Variants in CACNA2D3 observed in about 807,000 individuals in gnomAD.
CACNA2D3 encodes calcium voltage-gated channel auxiliary subunit alpha2delta 3, also known as voltage-dependent calcium channel subunit alpha-2/delta-3.
In CACNA2D3, 60 loss-of-function variants were observed where a neutral mutation model predicts 160.6. That is an observed-to-expected ratio of 0.37 (90% CI 0.30 to 0.46). CACNA2D3 has a LOEUF of 0.46. CACNA2D3 is among the 20% of genes least tolerant of loss of function. CACNA2D3 has a pLI of 1.00. For synonymous variants in CACNA2D3, 558 were observed against 492.9 expected, an observed-to-expected ratio of 1.13 and a Z score of -1.75; for missense variants, 1,205 against 1,365.0, an observed-to-expected ratio of 0.88 and a Z score of 1.85.
chr3:55,045,135 G>A (rs1245752031), intron 35 of CACNA2D3, among the ~76,000 whole-genome samples: 8 of 151,854 alleles, frequency 5.3e-5, no homozygotes, highest in African/African-American at 1.5e-4. Flanking sequence ...TGCAACCTCC[G>A]CCTCTCAGGT....
At chr3:54,450,801 A>T (rs1210306145) in intron 4 of CACNA2D3, among the ~76,000 whole-genome samples, 23 of 152,128 alleles carry the variant, frequency 1.5e-4, no homozygotes, top group Non-Finnish European at 1.5e-5. Context: ...TGTAATTATA[A>T]TCAACTCAAA....
chr3:54,294,944 A>G (rs1703306756), intron 2 of CACNA2D3, among the ~76,000 whole-genome samples: 1 of 148,398 alleles, frequency 6.7e-6, no homozygotes, highest in Non-Finnish European at 1.5e-5. Context: ...GCTACACCAG[A>G]TCATTGCCTT....
intron 35 of CACNA2D3, among the ~76,000 whole-genome samples, chr3:55,055,348 G>T (rs1200756334): frequency 1.3e-5 from 2 of 152,040 alleles, no homozygotes; most frequent in Admixed American, 1.3e-4. Flanking sequence ...GTAAAAATCA[G>T]TTGACCATAT....
In CACNA2D3 at chr3:54,172,649, T is replaced by G. The variant is rs187959191; in HGVS notation, c.204+49055T>G. 2.3e-3 allele frequency among the ~76,000 whole-genome samples: 355 copies of G among 152,352 alleles called. 4 individuals are homozygous for G. Among genetic ancestry groups the G allele is most frequent in the African/African-American group, 8.1e-3 (338 of 41,580 alleles). ...AGATTGAAACATGAAACTGTTGATA[T>G]TTCATCATTTTTGACTTAACAAAAC... On this transcript the variant is annotated intron_variant, in intron 2 of 37. Coordinates refer to ENST00000474759, the MANE Select transcript of CACNA2D3 (RefSeq NM_018398.3).
chr3:54,346,831 T>C (rs1698467306), intron 3 of CACNA2D3, among the ~76,000 whole-genome samples: 1 of 152,242 alleles, frequency 6.6e-6, no homozygotes, highest in African/African-American at 2.4e-5. Flanking sequence ...TCTGCTGTGC[T>C]CTTGGCAACC....
chr3:54,492,232 A>T lies in CACNA2D3; in HGVS notation c.382-11260A>T, dbSNP rs558908270. ...GAGAGGAACTCTGAAGGCAAGAGGG[A>T]TGCCCAGGTGGTCCTTAGGGAAGCT... On this transcript the variant is annotated intron_variant, in intron 4 of 37. Transcript: ENST00000474759. Among the ~76,000 whole-genome samples the T allele has an allele frequency of 7.2e-5, 11 of 152,324 alleles. No individual in the cohort carries two copies. The South Asian group carries it at 8.3e-4, about 11-fold the overall frequency.
At position 55,074,131 on chromosome 3, in the gene CACNA2D3, TG is replaced by T; in HGVS notation, c.3206del (p.Gly1069ValfsTer18). ...FHPEENAREC[G>X]GAPSLQAQTV... ...CCCCATAGGAGAATGCAAGGGAGTG[TG>T]GGGGTGCGCCGAGTCTCCAAGCCCA... On this transcript the variant is annotated frameshift_variant, in exon 38 of 38. Coordinates refer to ENST00000474759, the MANE Select transcript of CACNA2D3 (RefSeq NM_018398.3). LOFTEE classifies it high-confidence loss of function. 1 of 1,613,698 alleles carries T rather than the reference TG, an allele frequency of 6.2e-7. No homozygotes were observed. The highest frequency in any genetic ancestry group is 8.5e-7 in the Non-Finnish European group (1 of 1,179,696).
At chr3:54,683,689 T>C (rs941849925) in intron 11 of CACNA2D3, among the ~76,000 whole-genome samples, 2 of 152,194 alleles carry the variant, frequency 1.3e-5, no homozygotes, top group East Asian at 3.9e-4. Context: ...ACTATGTTTC[T>C]CAGGGATGCC....
At chr3:54,265,525 AAAG>A (rs1248727575) in intron 2 of CACNA2D3, among the ~76,000 whole-genome samples, 1 of 135,522 alleles carries the variant, frequency 7.4e-6, no homozygotes, top group African/African-American at 3.1e-5. Flanking sequence ...CCCAGAACTT[AAAG>A]TATGTGTGTG....
At chr3:54,798,358 C>A (rs145735033) in intron 13 of CACNA2D3, among the ~76,000 whole-genome samples, 1 of 151,948 alleles carries the variant, frequency 6.6e-6, no homozygotes, top group Non-Finnish European at 1.5e-5. Flanking sequence ...CATGGTGAAA[C>A]CCCATCTGTA....
chr3:54,873,470 G>A (rs572189723), intron 18 of CACNA2D3, among the ~76,000 whole-genome samples: 2 of 152,142 alleles, frequency 1.3e-5, no homozygotes, highest in African/African-American at 2.4e-5. Flanking sequence ...GTATGACTCA[G>A]CTCACTCCAG....
At chr3:54,659,164 T>A (rs1350783319) in intron 11 of CACNA2D3, among the ~76,000 whole-genome samples, 1 of 152,142 alleles carries the variant, frequency 6.6e-6, no homozygotes, top group Admixed American at 6.5e-5. Context: ...TTGTAAAAAA[T>A]TAGATAAATA....
chr3:54,285,893 A>G lies in CACNA2D3; in HGVS notation c.205-34549A>G, dbSNP rs541422900. The stretch of plus-strand genomic sequence containing the variant: ...CCTGTCTGGTAGAAGGAAAACTAAC[A>G]AACAGAAAGGACATCCACACCAAAA... On this transcript the variant is annotated intron_variant, in intron 2 of 37. Coordinates refer to ENST00000474759, the MANE Select transcript of CACNA2D3 (RefSeq NM_018398.3). Among the ~76,000 whole-genome samples the G allele has an allele frequency of 3.3e-5, 5 of 152,348 alleles. No individual in the cohort carries two copies. In the East Asian group the frequency reaches 9.6e-4, roughly 29 times the overall value.
At chr3:54,545,535 C>CT (rs201192269) in intron 5 of CACNA2D3, among the ~76,000 whole-genome samples, 1 of 152,212 alleles carries the variant, frequency 6.6e-6, no homozygotes, top group Non-Finnish European at 1.5e-5. Context: ...GCACTTCTTT[C>CT]TTTTTTTTCT....
At chr3:55,014,847 T>C (rs917570317) in intron 34 of CACNA2D3, among the ~76,000 whole-genome samples, 1 of 152,212 alleles carries the variant, frequency 6.6e-6, no homozygotes, top group African/African-American at 2.4e-5. Context: ...GTGTTTTCCA[T>C]AGCACTCTAG....
At chr3:54,600,540 C>A (rs1237478318) in intron 9 of CACNA2D3, among the ~76,000 whole-genome samples, 1 of 152,150 alleles carries the variant, frequency 6.6e-6, no homozygotes, top group Admixed American at 6.5e-5. Context: ...CCGGTTGGAG[C>A]TGAGTTCTCA....
intron 18 of CACNA2D3, chr3:54,875,738 G>A (rs1699643247): frequency 6.6e-6 from 1 of 152,228 alleles, no homozygotes; most frequent in Non-Finnish European, 1.5e-5. Context: ...ATTCACCAGG[G>A]GCTCTGGAGA....
intron 4 of CACNA2D3, among the ~76,000 whole-genome samples, chr3:54,443,724 C>T (rs1700178804): frequency 6.6e-6 from 1 of 152,176 alleles, no homozygotes; most frequent in Admixed American, 6.5e-5. Context: ...GTTCAGCCTT[C>T]ACATTCGTCT....
chr3:54,329,922 A>G (rs901369502), intron 3 of CACNA2D3, among the ~76,000 whole-genome samples: 1 of 152,190 alleles, frequency 6.6e-6, no homozygotes, highest in Admixed American at 6.5e-5. Context: ...TATGGAGGTG[A>G]GGAGCAGCTG....
Sources: gnomAD v4.1 joint callset for allele counts (sites outside exome capture counted in the v4.1 genomes callset) on GRCh38, gnomAD v4.1.1 for gene constraint, MANE v1.5 for transcripts, NCBI Gene and HGNC (gene_info 2026-07-23, HGNC 2026-07-21) for gene names.